The following CILK1 variants were observed in gnomAD, a reference collection of about 807,000 sequenced individuals.
The protein encoded by CILK1 is ciliogenesis associated kinase 1.
CILK1 carries 47 observed loss-of-function variants against 79.2 expected under a neutral mutation model. The ratio of observed to expected loss-of-function variants is 0.59; its 90% CI spans 0.47 to 0.76. CILK1 has a LOEUF of 0.76. CILK1 is among the 30% of genes least tolerant of loss of function. CILK1 has a pLI of 0.00. For synonymous variants in CILK1, 266 were observed against 275.9 expected, an observed-to-expected ratio of 0.96 and a Z score of 0.36; for missense variants, 660 against 769.5, an observed-to-expected ratio of 0.86 and a Z score of 1.68.
chr6:53,021,744 C>T (rs1765257653), intron 5 of CILK1, among the ~76,000 whole-genome samples: 1 of 150,730 alleles, frequency 6.6e-6, no homozygotes, highest in African/African-American at 2.5e-5. Context: ...ATCTAGTATT[C>T]ACTATACTAT....
chr6:53,008,350 C>T (rs1562001592), intron 12 of CILK1, among the ~76,000 whole-genome samples: 1 of 151,724 alleles, frequency 6.6e-6, no homozygotes, highest in South Asian at 2.1e-4. Flanking sequence ...ATCAGGCTGG[C>T]ATGGGGGGAG....
In CILK1 at chr6:53,035,138, C is replaced by A. The variant is rs1405988448; in HGVS notation, c.157-2484G>T. On this transcript the variant is annotated intron_variant, in intron 3 of 13. Coordinates refer to ENST00000676107, the MANE Select transcript of CILK1 (RefSeq NM_014920.5). ...TTAAGTAGAGTTGCAGAGGGAGATG[C>A]CTGACTTGATGAGGTTGAAAAGTAA... 2.0e-5 allele frequency among the ~76,000 whole-genome samples: 3 copies of A among 152,028 alleles called. No individual in the cohort carries two copies. The East Asian group carries it at 5.8e-4, about 29-fold the overall frequency.
intron 1 of CILK1, among the ~76,000 whole-genome samples, chr6:53,058,759 T>C (rs1408762661): frequency 6.6e-6 from 1 of 151,992 alleles, no homozygotes; most frequent in East Asian, 1.9e-4. Flanking sequence ...ATATCCAGAA[T>C]TCTCCCAAGG....
chr6:53,045,440 G>GT (rs1766997979), intron 1 of CILK1, among the ~76,000 whole-genome samples: 1 of 152,078 alleles, frequency 6.6e-6, no homozygotes, highest in Non-Finnish European at 1.5e-5. Context: ...AGTAGAAATC[G>GT]TATTTCGAGC....
At chr6:53,008,234 A>G (rs1764351149) in intron 12 of CILK1, among the ~76,000 whole-genome samples, 1 of 151,828 alleles carries the variant, frequency 6.6e-6, no homozygotes, top group Non-Finnish European at 1.5e-5. Context: ...TGCTACACAT[A>G]TATTTATTAA....
At chr6:53,024,727 T>G (rs1322643664) in intron 5 of CILK1, among the ~76,000 whole-genome samples, 1 of 152,140 alleles carries the variant, frequency 6.6e-6, no homozygotes, top group African/African-American at 2.4e-5. Context: ...AACTGAATCA[T>G]GGTGGCAGGG....
At chr6:53,031,492 T>G (rs1318975677) in intron 4 of CILK1, among the ~76,000 whole-genome samples, 3 of 152,160 alleles carry the variant, frequency 2.0e-5, no homozygotes, top group Non-Finnish European at 4.4e-5. Context: ...CTGCCGTCAT[T>G]GTCAATAAAG....
chr6:53,025,108 C>T (rs932337646), intron 5 of CILK1, among the ~76,000 whole-genome samples: 4 of 152,182 alleles, frequency 2.6e-5, no homozygotes, highest in Non-Finnish European at 5.9e-5. Flanking sequence ...GCTAGGATTA[C>T]AGGCGTGAGC....
chr6:53,028,053 G>T lies in CILK1; in HGVS notation c.358+3012C>A, dbSNP rs369653745. ...TCCCAGCTACTCAGGAGGCTGAGGC[G>T]GGAGAATGGCGTGAACCTGGGAGGC... On this transcript the variant is annotated intron_variant, in intron 5 of 13. Transcript: ENST00000676107. Among the ~76,000 whole-genome samples the T allele has an allele frequency of 9.3e-5, 14 of 150,758 alleles. No individual in the cohort carries two copies. The East Asian group carries it at 2.5e-3, about 27-fold the overall frequency.
chr6:53,033,291 G>A (rs962973495), intron 3 of CILK1, among the ~76,000 whole-genome samples: 1 of 152,178 alleles, frequency 6.6e-6, no homozygotes, highest in Non-Finnish European at 1.5e-5. Flanking sequence ...GTCAGGCAGT[G>A]GATGAGGAAT....
chr6:53,041,462 C>T (rs920156944), intron 1 of CILK1, 54 bp from the exon 2 acceptor site: 20 of 502,198 alleles, frequency 4.0e-5, no homozygotes, highest in Non-Finnish European at 6.2e-5. Context: ...TTTGAGTATA[C>T]GTGTTTTTGT....
In CILK1 at chr6:53,013,791, G is replaced by C. The variant is rs1296639674; in HGVS notation, c.1023C>G (p.Ser341Arg). Residue 341 changes from serine (S) to arginine (R), a missense_variant, in exon 9 of 14, where the codon AGC becomes AGG. Transcript: ENST00000676107. ...GGTACGTGAGATGCAGAGGGGGCTG[G>C]CTGGCTTGATGCTGTCGTGAAGAAA... The part of the protein sequence containing the change: ...TRISSRQHQA[S>R]QPPLHLTYPY... 6.2e-7 allele frequency: 1 copy of C among 1,614,134 alleles called. No homozygotes were observed.
At position 53,007,318 on chromosome 6, in the gene CILK1, A is replaced by G. The variant is rs539395096; in HGVS notation, c.1622-881T>C. ...GCCTGCGTGAGGAGTTGCGTTGGTC[A>G]GCTGGGGTGTATTTTGTACTTTGGT... On this transcript the variant is annotated intron_variant, in intron 12 of 13. Transcript: ENST00000676107. 3.9e-5 allele frequency among the ~76,000 whole-genome samples: 6 copies of G among 152,340 alleles called. No homozygotes were observed. The South Asian group carries it at 1.2e-3, about 32-fold the overall frequency.
At position 53,009,563 on chromosome 6, in the gene CILK1, G is replaced by A; in HGVS notation, c.1497C>T (p.Ile499=). 2 of 1,604,850 alleles carry A rather than the reference G, an allele frequency of 1.2e-6. No individual in the cohort carries two copies. Among genetic ancestry groups the A allele is most frequent in the Non-Finnish European group, 1.7e-6 (2 of 1,171,610 alleles). ...TCGAGAGTATGCCATTTCTTATACT[G>A]ATCCCTGATAGAGAAGAAATGATTT... ...YLKHSRYLPG[I]SIRNGILSNP... Residue 499 remains isoleucine, a synonymous_variant, in exon 12 of 14, where the codon ATC becomes ATT. Transcript: ENST00000676107.
chr6:53,041,054 A>C, intron 2 of CILK1, 82 bp downstream of exon 2: 1 of 926,220 alleles, frequency 1.1e-6, no homozygotes, highest in Non-Finnish European at 1.8e-6. Context: ...CATCCTACCC[A>C]CTCCCCTTTA....
At chr6:53,040,717 T>C (rs1480435603) in intron 2 of CILK1, among the ~76,000 whole-genome samples, 1 of 152,192 alleles carries the variant, frequency 6.6e-6, no homozygotes, top group African/African-American at 2.4e-5. Context: ...AGATAACTAA[T>C]ACAATGTGTC....
In CILK1 at chr6:53,006,298, T is replaced by C. The variant is rs746440091; in HGVS notation, c.1744+17A>G. The stretch of plus-strand genomic sequence containing the variant: ...ATTTGTTGAGTAAATTCATGAATAA[T>C]TTAAAATACAACTCACCAGGGGAAG... On this transcript the variant is annotated intron_variant, in intron 13 of 13. Coordinates refer to ENST00000676107, the MANE Select transcript of CILK1 (RefSeq NM_014920.5). 3 of 1,612,170 alleles carry C rather than the reference T, an allele frequency of 1.9e-6. No homozygotes were observed. Among genetic ancestry groups the C allele is most frequent in the South Asian group, 1.1e-5 (1 of 90,992 alleles).
At chr6:53,056,756 A>G (rs1767907318) in intron 1 of CILK1, among the ~76,000 whole-genome samples, 1 of 152,222 alleles carries the variant, frequency 6.6e-6, no homozygotes, top group Non-Finnish European at 1.5e-5. Context: ...AGACATGTTC[A>G]ATGAATTAAC....
intron 12 of CILK1, 136 bp downstream of exon 12, chr6:53,009,303 C>G (rs1434421434): frequency 1.2e-6 from 1 of 851,742 alleles, no homozygotes; most frequent in African/African-American, 1.7e-5. Flanking sequence ...GAGGATAGGG[C>G]TGGAAAAGAG....
Sources: allele counts gnomAD v4.1 joint callset (sites outside exome capture counted in the v4.1 genomes callset), GRCh38; gene constraint gnomAD v4.1.1; transcripts MANE v1.5; gene names NCBI Gene and HGNC (gene_info 2026-07-23, HGNC 2026-07-21).